ANKRD28: variants seen among roughly 807,000 people sequenced by gnomAD.
ANKRD28 encodes ankyrin repeat domain 28.
ANKRD28 carries 44 observed loss-of-function variants against 126.5 expected under a neutral mutation model. The observed-to-expected ratio is 0.35, with a 90% CI of 0.27 to 0.45. The LOEUF is 0.45. ANKRD28 is among the 20% of genes least tolerant of loss of function. The pLI, the probability that ANKRD28 is intolerant of heterozygous loss-of-function variation, is 1.00. For synonymous variants in ANKRD28, 442 were observed against 468.5 expected (o/e 0.94, Z 0.73); for missense variants, 1,110 against 1,316.6 (o/e 0.84, Z 2.43).
intron 2 of ANKRD28, among the ~76,000 whole-genome samples, chr3:15,769,598 C>T (rs2058903472): frequency 6.6e-6 from 1 of 152,164 alleles, no homozygotes; most frequent in African/African-American, 2.4e-5. Context: ...ATTTAACTGA[C>T]TCACAAGATT....
At chr3:15,720,270 T>C (rs1257553398) in intron 8 of ANKRD28, among the ~76,000 whole-genome samples, 8 of 151,792 alleles carry the variant, frequency 5.3e-5, no homozygotes, top group African/African-American at 1.9e-4. Flanking sequence ...CTGACAGTTT[T>C]TTTTCCCTAA....
At chr3:15,756,085 TC>T (rs1171919409) in intron 3 of ANKRD28, among the ~76,000 whole-genome samples, 2 of 152,150 alleles carry the variant, frequency 1.3e-5, no homozygotes, top group Non-Finnish European at 2.9e-5. Flanking sequence ...TCTTTTCTTG[TC>T]CCCCACAAAT....
At chr3:15,755,907 G>A (rs1265200519) in intron 3 of ANKRD28, among the ~76,000 whole-genome samples, 2 of 152,100 alleles carry the variant, frequency 1.3e-5, no homozygotes. Context: ...CATAGCCTGT[G>A]GTGCGAAAAA....
rs1257182497 is a variant in ANKRD28 at position 15,680,146 on chromosome 3, G to A, written c.2390-583C>T. On this transcript the variant is annotated intron_variant, in intron 21 of 27. Coordinates refer to ENST00000683139, the MANE Select transcript of ANKRD28 (RefSeq NM_001349278.2). ...TAATGGCAATGGGATGTTTAATTCC[G>A]CAACTTGCCTTTTACTTAATATTAA... Among the ~76,000 whole-genome samples the A allele has an allele frequency of 7.2e-5, 11 of 151,924 alleles. No individual in the cohort carries two copies. The East Asian group carries it at 1.9e-3, about 27-fold the overall frequency.
chr3:15,695,414 A>C (rs1217274294), intron 15 of ANKRD28, among the ~76,000 whole-genome samples, 200 bp from the exon 16 acceptor site: 1 of 152,138 alleles, frequency 6.6e-6, no homozygotes, highest in Non-Finnish European at 1.5e-5. Flanking sequence ...TTTGGTGTGA[A>C]TATCCATAAC....
intron 25 of ANKRD28, among the ~76,000 whole-genome samples, chr3:15,677,271 T>G (rs1195359470): frequency 6.6e-6 from 1 of 152,188 alleles, no homozygotes; most frequent in Non-Finnish European, 1.5e-5. Flanking sequence ...AGGATAATTA[T>G]GCTTAGACTT....
At chr3:15,691,814 T>G (rs2068838958) in intron 17 of ANKRD28, among the ~76,000 whole-genome samples, 1 of 152,116 alleles carries the variant, frequency 6.6e-6, no homozygotes, top group South Asian at 2.1e-4. Flanking sequence ...AATCATACAT[T>G]AAATATAAAA....
chr3:15,767,491 T>C (rs1397045302), intron 2 of ANKRD28, among the ~76,000 whole-genome samples: 1 of 151,964 alleles, frequency 6.6e-6, no homozygotes, highest in African/African-American at 2.4e-5. Flanking sequence ...CTTGAAGTTG[T>C]TGCTTGGTGT....
intron 1 of ANKRD28, among the ~76,000 whole-genome samples, chr3:15,829,666 T>C (rs187574640): frequency 4.6e-5 from 7 of 152,320 alleles, no homozygotes; most frequent in African/African-American, 7.2e-5. Context: ...AAAAGTCATA[T>C]TTATTAATAT....
At position 15,712,146 on chromosome 3, in the gene ANKRD28, AAAG is replaced by A. The variant is rs755719798; in HGVS notation, c.1264_1266del (p.Leu422del). 11 of 1,574,384 alleles carry A rather than the reference AAAG, an allele frequency of 7.0e-6. No homozygotes were observed. In the Admixed American group the frequency reaches 1.5e-4, roughly 21 times the overall value. ...CTGCAAAGGTTACACTTACCTGAAG[AAAG>A]AAGTTTTCTGCAGCAATCTGAAAAG... On this transcript the variant is annotated inframe_deletion, in exon 11 of 28. Coordinates refer to ENST00000683139, the MANE Select transcript of ANKRD28 (RefSeq NM_001349278.2).
rs1186972723 is a variant in ANKRD28, at chr3:15,687,654, A to ACTAATAGT, written c.1964-1346_1964-1345insACTATTAG. Reference sequence around the variant, plus strand: ...TATTCCACAGTATGTTCCCACAGTTATATTAAATACTAATAGTTATTAAAC... The same window carrying ACTAATAGT: ...TATTCCACAGTATGTTCCCACAGTTACTAATAGTTATTAAATACTAATAGTTATTAAAC... On this transcript the variant is annotated intron_variant, in intron 18 of 27. Transcript: ENST00000683139. Among the ~76,000 whole-genome samples the ACTAATAGT allele has an allele frequency of 3.6e-3, 555 of 152,344 alleles. 7 individuals carry two copies. The highest frequency in any genetic ancestry group is 0.013 in the African/African-American group (535 of 41,580).
chr3:15,688,958 C>A (rs1559339525), intron 18 of ANKRD28, among the ~76,000 whole-genome samples: 1 of 152,174 alleles, frequency 6.6e-6, no homozygotes, highest in East Asian at 1.9e-4. Flanking sequence ...TCCAAAATAA[C>A]TTCTACCAGA....
intron 1 of ANKRD28, among the ~76,000 whole-genome samples, chr3:15,852,589 T>C (rs1325124559): frequency 1.3e-5 from 2 of 152,020 alleles, no homozygotes; most frequent in South Asian, 2.1e-4. Context: ...ATCCCAGCAC[T>C]TTGGGAGGCC....
intron 4 of ANKRD28, among the ~76,000 whole-genome samples, chr3:15,745,354 G>A (rs1417699329): frequency 6.6e-6 from 1 of 152,138 alleles, no homozygotes; most frequent in East Asian, 1.9e-4. Flanking sequence ...TCAGGTCTTA[G>A]ATTTAAGTCT....
chr3:15,804,224 A>ACAAGAT (rs60990933), intron 1 of ANKRD28, among the ~76,000 whole-genome samples: 1 of 144,556 alleles, frequency 6.9e-6, no homozygotes, highest in Non-Finnish European at 1.5e-5. Context: ...AGTACAAGAT[A>ACAAGAT]AAAGACAGTA....
intron 2 of ANKRD28, among the ~76,000 whole-genome samples, chr3:15,774,774 C>A (rs143928246): frequency 1.1e-3 from 173 of 152,288 alleles, no homozygotes; most frequent in African/African-American, 3.9e-3. Context: ...ATATCTGCAA[C>A]ACACGCAAGT....
intron 14 of ANKRD28, among the ~76,000 whole-genome samples, chr3:15,701,103 A>G (rs2070527204): frequency 6.6e-6 from 1 of 152,246 alleles, no homozygotes; most frequent in African/African-American, 2.4e-5. Context: ...AAAACAAATG[A>G]AAAGAAATTC....
intron 18 of ANKRD28, 131 bp downstream of exon 18, chr3:15,689,888 A>C (rs2068588562): frequency 1.3e-6 from 1 of 772,324 alleles, no homozygotes; most frequent in Non-Finnish European, 2.0e-6. Context: ...AGGTCAAATA[A>C]TCCATATATG....
In ANKRD28 at chr3:15,668,474, G is replaced by T. The variant is rs917062378; in HGVS notation, c.*1796C>A. 6.6e-6 allele frequency: 1 copy of T among 151,874 alleles called. No individual in the cohort carries two copies. Among genetic ancestry groups the T allele is most frequent in the Admixed American group, 6.6e-5 (1 of 15,190 alleles). 9.4% of individuals were successfully genotyped at this position (151,874 alleles called of 1,614,324 possible). A position where few individuals can be genotyped will look rare whatever the true frequency, so the allele number is the denominator to read the frequency against. On this transcript the variant is annotated 3_prime_UTR_variant, in exon 28 of 28. Coordinates refer to ENST00000683139, the MANE Select transcript of ANKRD28 (RefSeq NM_001349278.2). ...CATTATGACTTCTTTATATTATAAAGAAAAGATGGGGGATTAGATTTATAA... is the reference window on the plus strand; with the variant it reads ...CATTATGACTTCTTTATATTATAAATAAAAGATGGGGGATTAGATTTATAA...
Sources: allele counts gnomAD v4.1 joint callset (sites outside exome capture counted in the v4.1 genomes callset), GRCh38; gene constraint gnomAD v4.1.1; transcripts MANE v1.5; gene names NCBI Gene and HGNC (gene_info 2026-07-23, HGNC 2026-07-21).